Variants in IKBKB observed in about 807,000 individuals in gnomAD.
IKBKB encodes the protein inhibitor of nuclear factor kappa-B kinase subunit beta.
In IKBKB, 42 loss-of-function variants were observed where a neutral mutation model predicts 113.6. The observed-to-expected ratio is 0.37, with a 90% CI of 0.29 to 0.48. IKBKB has a LOEUF of 0.48. Among genes scored for constraint, IKBKB ranks in the 20% least tolerant of loss-of-function variants. The pLI is 0.99. For missense variants in IKBKB, 673 were observed against 939.7 expected (o/e 0.72, Z 3.71); for synonymous variants, 296 against 361.3 (o/e 0.82, Z 2.05).
chr8:42,288,220 C>T (rs1585589130), intron 2 of IKBKB, among the ~76,000 whole-genome samples: 2 of 152,052 alleles, frequency 1.3e-5, no homozygotes, highest in Non-Finnish European at 2.9e-5. Flanking sequence ...AACCCCGTCT[C>T]TACTAAAAAT....
At position 42,285,279 on chromosome 8, in the gene IKBKB, C is replaced by T. The variant is rs368661767; in HGVS notation, c.106-3355C>T. ...GCAACAAGGTGGCCGGGTGCAGGGG[C>T]TTAGGCCTGTAATCCCAGTGCTTAG... On this transcript the variant is annotated intron_variant, in intron 2 of 21. Transcript: ENST00000520810. Among the ~76,000 whole-genome samples the T allele has an allele frequency of 3.3e-5, 5 of 152,180 alleles. No individual in the cohort carries two copies. The South Asian group carries it at 1.0e-3, about 32-fold the overall frequency.
chr8:42,308,215 G>A (rs1031605456), intron 7 of IKBKB, among the ~76,000 whole-genome samples: 5 of 150,618 alleles, frequency 3.3e-5, no homozygotes, highest in African/African-American at 7.3e-5. Context: ...CAGTGCCCAC[G>A]ACTGTGTCCT....
chr8:42,318,807 A>G lies in IKBKB; in HGVS notation c.1364+132A>G, dbSNP rs571136096. Reference sequence around the variant, plus strand: ...CAACAAAAGGAAGACACTGGTTTGGATGGACGGGAAGCGGTTGGGTGGGCT... The same window carrying G: ...CAACAAAAGGAAGACACTGGTTTGGGTGGACGGGAAGCGGTTGGGTGGGCT... On this transcript the variant is annotated intron_variant, in intron 13 of 21. Coordinates refer to ENST00000520810, the MANE Select transcript of IKBKB (RefSeq NM_001556.3). 1,928 of 892,262 alleles carry G rather than the reference A, an allele frequency of 2.2e-3. 24 individuals carry two copies. The highest frequency in any genetic ancestry group is 0.02 in the South Asian group (1,068 of 54,256). The allele number at this position is 892,262 out of a possible 1,614,324, so 55.3% of individuals were successfully genotyped here.
At chr8:42,288,541 C>T (rs371441574) in intron 2 of IKBKB, 93 bp from the exon 3 acceptor site, 184 of 893,728 alleles carry the variant, frequency 2.1e-4, no homozygotes, top group East Asian at 1.9e-3. Context: ...TTGCAGGTAA[C>T]GCTTGGGGCC....
chr8:42,326,200 C>CA, intron 20 of IKBKB, 103 bp downstream of exon 20: 2 of 1,375,172 alleles, frequency 1.5e-6, no homozygotes, highest in Admixed American at 4.2e-5. Flanking sequence ...ATGGTATTAC[C>CA]ACCTCTCTGG....
At chr8:42,317,288 G>A (rs1289318518) in intron 11 of IKBKB, 1 of 425,776 alleles carries the variant, frequency 2.3e-6, no homozygotes, top group Non-Finnish European at 4.3e-6. Context: ...TACAGAACTG[G>A]GTTAGGCACC....
intron 8 of IKBKB, among the ~76,000 whole-genome samples, chr8:42,313,279 C>T (rs915674794): frequency 5.9e-5 from 9 of 151,998 alleles, no homozygotes; most frequent in Non-Finnish European, 1.2e-4. Context: ...GGTAAAACCC[C>T]GTCTCTACAA....
At chr8:42,319,742 TCAAA>T in intron 15 of IKBKB, 96 bp downstream of exon 15, 1 of 1,065,136 alleles carries the variant, frequency 9.4e-7, no homozygotes, top group Non-Finnish European at 1.4e-6. Flanking sequence ...TCGATCTCTG[TCAAA>T]AATCAGGTGT....
intron 5 of IKBKB, among the ~76,000 whole-genome samples, chr8:42,304,373 T>C (rs1347702777): frequency 6.6e-6 from 1 of 152,244 alleles, no homozygotes; most frequent in Non-Finnish European, 1.5e-5. Context: ...ATGTCCTTCT[T>C]GCCATCTGAG....
intron 8 of IKBKB, among the ~76,000 whole-genome samples, chr8:42,313,118 C>T (rs765159936): frequency 1.3e-5 from 2 of 152,142 alleles, no homozygotes; most frequent in African/African-American, 2.4e-5. Context: ...TTCAAATTTA[C>T]TCTTCTTATT....
chr8:42,286,997 C>T (rs369086448), intron 2 of IKBKB, among the ~76,000 whole-genome samples: 1 of 152,168 alleles, frequency 6.6e-6, no homozygotes, highest in East Asian at 1.9e-4. Context: ...GTGGCAGGAT[C>T]GGCTCTCAGG....
At chr8:42,300,107 G>C (rs1031624748) in intron 5 of IKBKB, among the ~76,000 whole-genome samples, 5 of 152,196 alleles carry the variant, frequency 3.3e-5, no homozygotes, top group Non-Finnish European at 7.3e-5. Flanking sequence ...GGCACCCAAC[G>C]TTACTGCCTT....
chr8:42,289,747 C>T (rs924603832), intron 3 of IKBKB, among the ~76,000 whole-genome samples: 4 of 151,846 alleles, frequency 2.6e-5, no homozygotes, highest in Non-Finnish European at 5.9e-5. Flanking sequence ...ACCAACCTGC[C>T]GAAAATTAAA....
At chr8:42,285,993 T>G (rs1188174119) in intron 2 of IKBKB, among the ~76,000 whole-genome samples, 1 of 152,190 alleles carries the variant, frequency 6.6e-6, no homozygotes, top group Non-Finnish European at 1.5e-5. Context: ...GTGCCGTGGT[T>G]TTGGTCTCAC....
At chr8:42,321,090 C>G (rs574007262) in intron 16 of IKBKB, 1 of 397,086 alleles carries the variant, frequency 2.5e-6, no homozygotes, top group African/African-American at 2.1e-5. Context: ...GAGACGCAGG[C>G]CATAATCTGT....
intron 1 of IKBKB, 23 bp downstream of exon 1, chr8:42,271,492 G>A (rs1227102643): frequency 1.4e-5 from 13 of 916,978 alleles, no homozygotes; most frequent in Non-Finnish European, 2.1e-5. Context: ...CGTGGGTGCG[G>A]CCCGGGTGCC....
chr8:42,293,406 C>T (rs1813060350), intron 4 of IKBKB, 37 bp from the exon 5 acceptor site: 1 of 1,609,868 alleles, frequency 6.2e-7, no homozygotes, highest in Non-Finnish European at 8.5e-7. Flanking sequence ...TGGTTTGTGA[C>T]CACCAGCTCT....
At chr8:42,309,524 G>A in intron 8 of IKBKB, 2 of 402,892 alleles carry the variant, frequency 5.0e-6, no homozygotes, top group Non-Finnish European at 9.9e-6. Flanking sequence ...GGAGGCCGAG[G>A]CAGGTGGATC....
chr8:42,271,382 G>A lies in IKBKB; in HGVS notation c.-106G>A. On this transcript the variant is annotated 5_prime_UTR_variant, in exon 1 of 22. Coordinates refer to ENST00000520810, the MANE Select transcript of IKBKB (RefSeq NM_001556.3). Reference sequence around the variant, plus strand: ...ATTCCCGCATTTTAATGTTTTCAGGGGGGTGTCATAGCCCCGGGTTTGGCC... The same window carrying A: ...ATTCCCGCATTTTAATGTTTTCAGGAGGGTGTCATAGCCCCGGGTTTGGCC... 1 of 1,510,424 alleles carries A rather than the reference G, an allele frequency of 6.6e-7. No individual in the cohort carries two copies. Among genetic ancestry groups the A allele is most frequent in the Non-Finnish European group, 8.9e-7 (1 of 1,124,626 alleles). The allele number at this position is 1,510,424 out of a possible 1,614,324, so 93.6% of individuals were successfully genotyped here.
Sources: allele counts gnomAD v4.1 joint callset (sites outside exome capture counted in the v4.1 genomes callset), GRCh38; gene constraint gnomAD v4.1.1; transcripts MANE v1.5; gene names NCBI Gene and HGNC (gene_info 2026-07-23, HGNC 2026-07-21).